The following CCDC138 variants were observed in gnomAD, a reference collection of about 807,000 sequenced individuals.
CCDC138 encodes coiled-coil domain containing 138.
Under a neutral mutation model 82.3 loss-of-function variants are expected in CCDC138, and 66 were observed. The observed-to-expected ratio is 0.80, with a 90% confidence interval of 0.66 to 0.98. The LOEUF is 0.98. Ranked by LOEUF, CCDC138 falls within the 50% of genes least tolerant of loss-of-function variation. CCDC138 has a pLI of 0.00. For missense variants in CCDC138, 816 were observed against 758.9 expected, an observed-to-expected ratio of 1.08 and a Z score of -0.88; for synonymous variants, 297 against 265.4, an observed-to-expected ratio of 1.12 and a Z score of -1.16.
In CCDC138 at chr2:108,839,193, T is replaced by G; in HGVS notation, c.1215T>G (p.Pro405=). The G allele has an allele frequency of 6.2e-7, 1 of 1,607,006 alleles. No homozygotes were observed. The highest frequency in any genetic ancestry group is 8.5e-7 in the Non-Finnish European group (1 of 1,176,674). Residue 405 remains proline, a synonymous_variant, in exon 11 of 15, where the codon CCT becomes CCG. Coordinates refer to ENST00000295124, the MANE Select transcript of CCDC138 (RefSeq NM_144978.3). ...CATCATTTTATCTTTAGCTTTTGCCTCTAATGACAGAGCAGCTACAGTGGA... is the reference window on the plus strand; with the variant it reads ...CATCATTTTATCTTTAGCTTTTGCCGCTAATGACAGAGCAGCTACAGTGGA... ...DIQEKCVKLL[P]LMTEQLQWMP...
At chr2:108,827,356 G>A (rs915666939) in intron 10 of CCDC138, among the ~76,000 whole-genome samples, 8 of 151,944 alleles carry the variant, frequency 5.3e-5, no homozygotes, top group Admixed American at 5.2e-4. Flanking sequence ...TACAAAGCTA[G>A]TAAAATAAAT....
chr2:108,798,335 C>T (rs1681254935), intron 5 of CCDC138, 93 bp from the exon 6 acceptor site: 2 of 1,423,858 alleles, frequency 1.4e-6, no homozygotes, highest in African/African-American at 1.4e-5. Context: ...TTCCTGAAAA[C>T]CACTTGGTTA....
chr2:108,861,208 A>T (rs540051224), intron 13 of CCDC138, among the ~76,000 whole-genome samples: 16 of 148,264 alleles, frequency 1.1e-4, no homozygotes, highest in Non-Finnish European at 1.9e-4. Flanking sequence ...GTTTATTGGG[A>T]TCATCTCTCT....
At chr2:108,862,205 A>AG (rs199572942) in intron 13 of CCDC138, among the ~76,000 whole-genome samples, 1 of 151,996 alleles carries the variant, frequency 6.6e-6, no homozygotes, top group Non-Finnish European at 1.5e-5. Context: ...TAAAAAAAAA[A>AG]CAAAACAGGA....
chr2:108,841,837 T>G (rs1179106324), intron 11 of CCDC138, among the ~76,000 whole-genome samples: 1 of 152,162 alleles, frequency 6.6e-6, no homozygotes, highest in African/African-American at 2.4e-5. Context: ...TTTTTCTGCT[T>G]TCTTATGGGT....
At chr2:108,826,924 T>C (rs1686710891) in intron 10 of CCDC138, among the ~76,000 whole-genome samples, 2 of 152,224 alleles carry the variant, frequency 1.3e-5, no homozygotes, top group Non-Finnish European at 1.5e-5. Flanking sequence ...TTCAGCTATA[T>C]TTTCTCGTTT....
chr2:108,864,976 G>C (rs1694197403), intron 13 of CCDC138, among the ~76,000 whole-genome samples: 1 of 151,850 alleles, frequency 6.6e-6, no homozygotes, highest in Admixed American at 6.6e-5. Context: ...TAAATAAATA[G>C]TAACACATTC....
chr2:108,843,574 C>G (rs1421988484), intron 11 of CCDC138, among the ~76,000 whole-genome samples: 1 of 152,138 alleles, frequency 6.6e-6, no homozygotes, highest in Non-Finnish European at 1.5e-5. Flanking sequence ...CAGTTCTTTA[C>G]TTTCAGTACT....
intron 5 of CCDC138, 143 bp from the exon 6 acceptor site, chr2:108,798,285 C>T: frequency 2.8e-6 from 2 of 724,016 alleles, no homozygotes; most frequent in Admixed American, 2.8e-5. Context: ...CTATACTAGT[C>T]TAGCTACTGT....
chr2:108,831,398 C>A (rs1687586239), intron 10 of CCDC138, among the ~76,000 whole-genome samples: 1 of 152,072 alleles, frequency 6.6e-6, no homozygotes, highest in African/African-American at 2.4e-5. Flanking sequence ...TCTTTTGAAA[C>A]ATTCAAAAGA....
At chr2:108,826,852 A>G (rs752852461) in intron 10 of CCDC138, among the ~76,000 whole-genome samples, 6 of 152,228 alleles carry the variant, frequency 3.9e-5, no homozygotes, top group Admixed American at 6.5e-5. Context: ...CATCTTAACA[A>G]CATTGTCTGC....
intron 9 of CCDC138, among the ~76,000 whole-genome samples, chr2:108,814,460 A>G (rs1684409925): frequency 1.3e-5 from 2 of 152,036 alleles, no homozygotes; most frequent in Non-Finnish European, 2.9e-5. Flanking sequence ...TTTTCATCTA[A>G]AGGGAGTTAG....
intron 10 of CCDC138, among the ~76,000 whole-genome samples, chr2:108,835,513 A>G (rs1290692134): frequency 6.6e-6 from 1 of 152,206 alleles, no homozygotes; most frequent in Non-Finnish European, 1.5e-5. Flanking sequence ...TGATATATTC[A>G]AATATTTTTC....
intron 3 of CCDC138, among the ~76,000 whole-genome samples, chr2:108,789,492 G>A (rs998871709): frequency 1.4e-4 from 22 of 152,194 alleles, no homozygotes; most frequent in African/African-American, 4.1e-4. Context: ...GACTTGAGAG[G>A]CAGAGGCAGG....
chr2:108,790,671 A>G (rs1333098039), intron 3 of CCDC138, among the ~76,000 whole-genome samples: 1 of 152,224 alleles, frequency 6.6e-6, no homozygotes, highest in Non-Finnish European at 1.5e-5. Flanking sequence ...ACTGCACTGC[A>G]ACCTGGGTGA....
At position 108,876,319 on chromosome 2, in the gene CCDC138, AACT is replaced by A. The variant is rs1174560111; in HGVS notation, c.*69_*71del. 2 of 884,464 alleles carry A rather than the reference AACT, an allele frequency of 2.3e-6. No homozygotes were observed. Among genetic ancestry groups the A allele is most frequent in the African/African-American group, 3.4e-5 (2 of 59,204 alleles). 54.8% of individuals were successfully genotyped at this position (884,464 alleles called of 1,614,324 possible). On this transcript the variant is annotated 3_prime_UTR_variant, in exon 15 of 15. Coordinates refer to ENST00000295124, the MANE Select transcript of CCDC138 (RefSeq NM_144978.3). Reference sequence around the variant, plus strand: ...ATAAACATGTAGAAATTACCAAAGTAACTACAATTCTACCAAGTAAAGTTATCA... The same window carrying A: ...ATAAACATGTAGAAATTACCAAAGTAACAATTCTACCAAGTAAAGTTATCA...
chr2:108,839,995 G>A (rs1340648889), intron 11 of CCDC138, among the ~76,000 whole-genome samples: 1 of 151,934 alleles, frequency 6.6e-6, no homozygotes, highest in East Asian at 1.9e-4. Context: ...AATATTAGCT[G>A]TAGTATTTTC....
intron 10 of CCDC138, among the ~76,000 whole-genome samples, chr2:108,825,267 G>C (rs1353784157): frequency 1.1e-5 from 1 of 91,876 alleles, no homozygotes; most frequent in Non-Finnish European, 2.9e-5. Flanking sequence ...TGTTCTGGTG[G>C]TGGGTTTTTT....
At chr2:108,815,513 T>C (rs547432404) in intron 9 of CCDC138, among the ~76,000 whole-genome samples, 23 of 132,476 alleles carry the variant, frequency 1.7e-4, no homozygotes, top group African/African-American at 6.3e-4. Flanking sequence ...TTTGCCCAGA[T>C]TGGTGTGCAG....
Sources: gnomAD v4.1 joint callset for allele counts (sites outside exome capture counted in the v4.1 genomes callset) on GRCh38, gnomAD v4.1.1 for gene constraint, MANE v1.5 for transcripts, NCBI Gene and HGNC (gene_info 2026-07-23, HGNC 2026-07-21) for gene names.